The following MB21D2 variants were observed in gnomAD, a reference collection of about 807,000 sequenced individuals.
The protein encoded by MB21D2 is Mab-21 domain containing 2.
Under a neutral mutation model 33.3 loss-of-function variants are expected in MB21D2, and 9 were observed. That is an observed-to-expected ratio of 0.27 (90% confidence interval 0.16 to 0.47). The LOEUF (loss-of-function observed/expected upper bound fraction) is 0.47. Among genes scored for constraint, MB21D2 ranks in the 20% least tolerant of loss-of-function variants. MB21D2 has a pLI of 0.99. For synonymous variants in MB21D2, 241 were observed against 236.3 expected (o/e 1.02, Z -0.18); for missense variants, 540 against 624.6 (o/e 0.86, Z 1.44).
At chr3:192,831,235 G>A (rs1475367662) in intron 1 of MB21D2, among the ~76,000 whole-genome samples, 2 of 152,166 alleles carry the variant, frequency 1.3e-5, no homozygotes, top group Non-Finnish European at 2.9e-5. Flanking sequence ...ACATGGGGAT[G>A]AGCCGAGGCC....
chr3:192,869,898 A>G (rs1713253448), intron 1 of MB21D2, among the ~76,000 whole-genome samples: 1 of 152,210 alleles, frequency 6.6e-6, no homozygotes, highest in African/African-American at 2.4e-5. Flanking sequence ...GCAGGAAATA[A>G]GGGAGCTTCA....
At chr3:192,868,784 C>T (rs1432368562) in intron 1 of MB21D2, among the ~76,000 whole-genome samples, 2 of 152,166 alleles carry the variant, frequency 1.3e-5, no homozygotes, top group East Asian at 3.9e-4. Flanking sequence ...CTCTTTCATA[C>T]AATTCACTGC....
intron 1 of MB21D2, among the ~76,000 whole-genome samples, chr3:192,829,010 A>G (rs1265625462): frequency 6.6e-6 from 1 of 152,084 alleles, no homozygotes; most frequent in Admixed American, 6.6e-5. Flanking sequence ...AAGTTGTATA[A>G]CCACCACAAT....
At chr3:192,915,347 GC>G (rs1041635814) in intron 1 of MB21D2, among the ~76,000 whole-genome samples, 2 of 152,224 alleles carry the variant, frequency 1.3e-5, no homozygotes, top group African/African-American at 4.8e-5. Context: ...GCCAAAATCT[GC>G]TTTAGAAAAA....
At chr3:192,878,986 A>G (rs1174391507) in intron 1 of MB21D2, among the ~76,000 whole-genome samples, 1 of 152,088 alleles carries the variant, frequency 6.6e-6, no homozygotes, top group African/African-American at 2.4e-5. Flanking sequence ...GAAGAAGAAA[A>G]AAGAATCACC....
At chr3:192,878,750 G>A (rs1255204450) in intron 1 of MB21D2, among the ~76,000 whole-genome samples, 1 of 152,144 alleles carries the variant, frequency 6.6e-6, no homozygotes, top group African/African-American at 2.4e-5. Flanking sequence ...GATCGCTTGA[G>A]GTCAGGATTT....
chr3:192,916,041 G>T (rs1437071601), intron 1 of MB21D2, among the ~76,000 whole-genome samples: 1 of 150,726 alleles, frequency 6.6e-6, no homozygotes, highest in Non-Finnish European at 1.5e-5. Flanking sequence ...CACTGTGTTG[G>T]CTTTTGGCTT....
At chr3:192,856,430 C>T (rs185032030) in intron 1 of MB21D2, among the ~76,000 whole-genome samples, 7 of 152,212 alleles carry the variant, frequency 4.6e-5, no homozygotes, top group African/African-American at 1.4e-4. Flanking sequence ...AATAAGGAAA[C>T]GGGAAATTAG....
At position 192,880,357 on chromosome 3, in the gene MB21D2, A is replaced by G. The variant is rs542239582; in HGVS notation, c.211+37273T>C. ...GTGAGAATCCATCTCAGAAAAAAAT[A>G]AAATAAAATAAAATCCACTGTTTCA... On this transcript the variant is annotated intron_variant, in intron 1 of 1. Coordinates refer to ENST00000392452, the MANE Select transcript of MB21D2 (RefSeq NM_178496.4). Among the ~76,000 whole-genome samples the G allele has an allele frequency of 3.9e-4, 60 of 152,154 alleles. No individual in the cohort carries two copies. The South Asian group carries it at 0.012, about 30-fold the overall frequency.
chr3:192,857,970 C>T (rs1023954221), intron 1 of MB21D2, among the ~76,000 whole-genome samples: 2 of 151,988 alleles, frequency 1.3e-5, no homozygotes, highest in East Asian at 1.9e-4. Context: ...ACTAAAATTA[C>T]AAAAATTAGC....
intron 1 of MB21D2, among the ~76,000 whole-genome samples, chr3:192,847,808 T>C (rs1448577190): frequency 1.3e-5 from 2 of 152,310 alleles, no homozygotes; most frequent in Middle Eastern, 3.4e-3. Flanking sequence ...TATTTGGACA[T>C]GATCTGAAAA....
intron 1 of MB21D2, among the ~76,000 whole-genome samples, 194 bp downstream of exon 1, chr3:192,917,436 A>G (rs1714492564): frequency 6.6e-6 from 1 of 152,186 alleles, no homozygotes; most frequent in Non-Finnish European, 1.5e-5. Flanking sequence ...AAGTATAGTA[A>G]GGAGGGGAGG....
chr3:192,805,528 A>G (rs1711643801), intron 1 of MB21D2, among the ~76,000 whole-genome samples: 1 of 152,212 alleles, frequency 6.6e-6, no homozygotes, highest in Non-Finnish European at 1.5e-5. Flanking sequence ...TGACCAGAAT[A>G]TATATATAGT....
chr3:192,853,225 G>A (rs1015155415), intron 1 of MB21D2, among the ~76,000 whole-genome samples: 5 of 152,110 alleles, frequency 3.3e-5, no homozygotes, highest in African/African-American at 1.2e-4. Flanking sequence ...ACCCCTCGAA[G>A]GTCTTCTCCC....
At chr3:192,854,022 A>G (rs759793231) in intron 1 of MB21D2, among the ~76,000 whole-genome samples, 4 of 152,212 alleles carry the variant, frequency 2.6e-5, no homozygotes, top group Non-Finnish European at 4.4e-5. Flanking sequence ...TCCTTGGGAC[A>G]TAACAACTTT....
chr3:192,867,169 G>T (rs565711557), intron 1 of MB21D2, among the ~76,000 whole-genome samples: 50 of 152,184 alleles, frequency 3.3e-4, no homozygotes, highest in African/African-American at 1.2e-3. Context: ...GGAGGAAAAG[G>T]CTGCTCAAAT....
chr3:192,857,222 T>TGAAG (rs2108632067), intron 1 of MB21D2, among the ~76,000 whole-genome samples: 1 of 152,294 alleles, frequency 6.6e-6, no homozygotes, highest in East Asian at 1.9e-4. Flanking sequence ...GAGAAGCAAT[T>TGAAG]GAAGGCTCAA....
intron 1 of MB21D2, among the ~76,000 whole-genome samples, chr3:192,868,578 C>T (rs1038962165): frequency 6.6e-6 from 1 of 151,962 alleles, no homozygotes; most frequent in Non-Finnish European, 1.5e-5. Flanking sequence ...TTTTCACTTG[C>T]CCTTGATTTT....
At chr3:192,845,391 T>C (rs531255462) in intron 1 of MB21D2, among the ~76,000 whole-genome samples, 5 of 152,324 alleles carry the variant, frequency 3.3e-5, no homozygotes, top group African/African-American at 1.2e-4. Flanking sequence ...GTGAGCTTTG[T>C]GGTAGAGAAC....
Sources: allele counts gnomAD v4.1 joint callset (sites outside exome capture counted in the v4.1 genomes callset), GRCh38; gene constraint gnomAD v4.1.1; transcripts MANE v1.5; gene names NCBI Gene and HGNC (gene_info 2026-07-23, HGNC 2026-07-21).